CFAP57: variants seen among roughly 807,000 people sequenced by gnomAD.
CFAP57 encodes the protein cilia and flagella associated protein 57.
Under a neutral mutation model 146.8 loss-of-function variants are expected in CFAP57, and 116 were observed. That is an observed-to-expected ratio of 0.79 (90% confidence interval 0.68 to 0.92). The LOEUF (loss-of-function observed/expected upper bound fraction) is 0.92, where lower values mean the gene tolerates loss of function less well. Among genes scored for constraint, CFAP57 ranks in the 40% least tolerant of loss-of-function variants. CFAP57 has a pLI of 0.00. For missense variants in CFAP57, 1,377 were observed against 1,527.2 expected (o/e 0.90, Z 1.64); for synonymous variants, 518 against 552.8 (o/e 0.94, Z 0.88).
chr1:43,253,629 C>T (rs774529502), intron 22 of CFAP57, among the ~76,000 whole-genome samples: 1 of 151,864 alleles, frequency 6.6e-6, no homozygotes, highest in Non-Finnish European at 1.5e-5. Flanking sequence ...GTTCAGAAGC[C>T]AACATAGGTC....
chr1:43,242,832 GT>G (rs1441211424), intron 21 of CFAP57, among the ~76,000 whole-genome samples: 12 of 151,480 alleles, frequency 7.9e-5, no homozygotes, highest in Admixed American at 6.6e-5. Context: ...ATTTATAATT[GT>G]TTTTGTGATT....
intron 11 of CFAP57, among the ~76,000 whole-genome samples, chr1:43,213,829 T>C (rs1370837723): frequency 1.3e-5 from 2 of 152,076 alleles, no homozygotes; most frequent in African/African-American, 4.8e-5. Flanking sequence ...TTTTTTCATA[T>C]ACCTGTTGGC....
At chr1:43,203,369 T>G (rs1228960428) in intron 9 of CFAP57, among the ~76,000 whole-genome samples, 1 of 152,054 alleles carries the variant, frequency 6.6e-6, no homozygotes, top group African/African-American at 2.4e-5. Context: ...TTATGTTCTA[T>G]GAGGCCAAAA....
rs1644015100 is a variant in CFAP57, at chr1:43,199,422, T to C, written c.1461T>C (p.Ala487=). The C allele has an allele frequency of 6.2e-7, 1 of 1,614,066 alleles. No homozygotes were observed. Among genetic ancestry groups the C allele is most frequent in the Non-Finnish European group, 8.5e-7 (1 of 1,180,058 alleles). ...CSFSNGGHLF[A]AVNGNVIHVY... is the part of the protein sequence containing the mutation. ...TTAGCAATGGAGGTCACCTGTTTGC[T>C]GCAGTCAATGGAAATGTGATTCACG... The change falls in exon 9 of 23, where the codon GCT becomes GCC. Residue 487 remains alanine (A), a synonymous_variant. Coordinates refer to ENST00000372492, the MANE Select transcript of CFAP57 (RefSeq NM_001378189.1).
chr1:43,228,932 C>T (rs1010641782), intron 18 of CFAP57, among the ~76,000 whole-genome samples: 1 of 148,902 alleles, frequency 6.7e-6, no homozygotes, highest in Non-Finnish European at 1.5e-5. Context: ...TCCCTCCAGC[C>T]TCTCGTACAA....
rs191408682 is a variant in CFAP57 at position 43,238,990 on chromosome 1, C to T, written c.3406-4237C>T. ...TTGTGGTTACTCTTATTATCGTTAT[C>T]ATCAAGCTCTTCCTGCCTTAGGTTC... On this transcript the variant is annotated intron_variant, in intron 21 of 22. Coordinates refer to ENST00000372492, the MANE Select transcript of CFAP57 (RefSeq NM_001378189.1). This position sits in a 1 kb window ranked among gnomAD's most constrained non-coding sequence, Gnocchi z 4.3. Among the ~76,000 whole-genome samples the T allele has an allele frequency of 1.3e-5, 2 of 152,102 alleles. No homozygotes were observed. Among genetic ancestry groups the T allele is most frequent in the Admixed American group, 1.3e-4 (2 of 15,280 alleles).
intron 22 of CFAP57, among the ~76,000 whole-genome samples, chr1:43,250,842 C>A (rs1475593657): frequency 6.6e-6 from 1 of 152,220 alleles, no homozygotes; most frequent in East Asian, 1.9e-4. Context: ...AGTGTCCATA[C>A]TGAAACAGTC....
chr1:43,203,687 T>C (rs1644232967), intron 9 of CFAP57, among the ~76,000 whole-genome samples: 1 of 152,168 alleles, frequency 6.6e-6, no homozygotes, highest in East Asian at 1.9e-4. Context: ...TCTCGATCTC[T>C]TCACCTCATG....
chr1:43,232,411 T>C, intron 18 of CFAP57, 97 bp from the exon 19 acceptor site: 3 of 963,054 alleles, frequency 3.1e-6, no homozygotes, highest in Non-Finnish European at 4.7e-6. Context: ...TGCCCGGGTG[T>C]CAGGGGTGGC....
chr1:43,173,241 C>T (rs1200954381), intron 2 of CFAP57, among the ~76,000 whole-genome samples: 1 of 152,186 alleles, frequency 6.6e-6, no homozygotes, highest in African/African-American at 2.4e-5. Context: ...TAACAGTTTT[C>T]CTGAGCACAC....
At position 43,198,648 on chromosome 1, in the gene CFAP57, TA is replaced by T. The variant is rs10711519; in HGVS notation, c.1428+12del. ...TACTCTGTTAGAGGATGCGGAGAGG[TA>T]AAAAAAAAACTGCTGAAGACAAAAG... On this transcript the variant is annotated splice_donor_region_variant and intron_variant, in intron 8 of 22. Coordinates refer to ENST00000372492, the MANE Select transcript of CFAP57 (RefSeq NM_001378189.1). 426,839 of 1,519,306 alleles carry T rather than the reference TA, an allele frequency of 0.28. 57,747 individuals carry two copies. Among genetic ancestry groups the T allele is most frequent in the Middle Eastern group, 0.31 (1,809 of 5,758 alleles). 94.1% of individuals were successfully genotyped at this position (1,519,306 alleles called of 1,614,324 possible).
In CFAP57 at chr1:43,172,856, G is replaced by A. The variant is rs1342298403; in HGVS notation, c.103G>A (p.Gly35Arg). Residue 35 changes from glycine to arginine, a missense_variant, in exon 2 of 23, where the codon GGA becomes AGA. Transcript: ENST00000372492. ...TGAACAGATCATTATATTTCCTTCA[G>A]GAAATCACTGTGTGAAGTACAATGT... ...FDEQIIIFPS[G>R]NHCVKYNVDQ... 2.5e-6 allele frequency: 4 copies of A among 1,614,096 alleles called. No individual in the cohort carries two copies. In the South Asian group the frequency reaches 4.4e-5, roughly 18 times the overall value.
intron 14 of CFAP57, among the ~76,000 whole-genome samples, chr1:43,221,779 G>A (rs773119724): frequency 6.6e-6 from 1 of 152,134 alleles, no homozygotes; most frequent in Non-Finnish European, 1.5e-5. Context: ...TAACCTTACC[G>A]AGCCTCACTT....
intron 12 of CFAP57, among the ~76,000 whole-genome samples, chr1:43,217,545 C>T (rs1644880426): frequency 6.6e-6 from 1 of 152,086 alleles, no homozygotes; most frequent in Non-Finnish European, 1.5e-5. Flanking sequence ...AGGTACCGGT[C>T]CTTCTACCTA....
chr1:43,253,526 C>T (rs1005920404), intron 22 of CFAP57, among the ~76,000 whole-genome samples: 1 of 152,142 alleles, frequency 6.6e-6, no homozygotes, highest in African/African-American at 2.4e-5. Flanking sequence ...GGAGAAAGTT[C>T]TCAAGGAACA....
At chr1:43,184,243 C>T (rs1267943298) in intron 4 of CFAP57, among the ~76,000 whole-genome samples, 3 of 152,184 alleles carry the variant, frequency 2.0e-5, no homozygotes, top group Non-Finnish European at 2.9e-5. Flanking sequence ...GCTGGGGACA[C>T]AAGTCCTCAA....
chr1:43,182,260 A>G (rs1297177620), intron 3 of CFAP57, among the ~76,000 whole-genome samples: 1 of 152,224 alleles, frequency 6.6e-6, no homozygotes, highest in African/African-American at 2.4e-5. Flanking sequence ...GTAACATGGT[A>G]GGTCTTTAGG....
chr1:43,225,051 TTTTGTTTGTTTGTTTGTTTGTTTG>T (rs146484094), intron 17 of CFAP57, among the ~76,000 whole-genome samples: 1 of 151,114 alleles, frequency 6.6e-6, no homozygotes, highest in Non-Finnish European at 1.5e-5. Context: ...ATATCCAGGG[TTTTGTTTGTTTGTTTGTTTGTTTG>T]TTTGTTTGTT....
chr1:43,223,024 A>C, intron 16 of CFAP57, 27 bp downstream of exon 16: 1 of 1,526,542 alleles, frequency 6.6e-7, no homozygotes, highest in Non-Finnish European at 8.8e-7. Flanking sequence ...CAAGAGACCT[A>C]GGGTGGGCGA....
Sources: allele counts gnomAD v4.1 joint callset (sites outside exome capture counted in the v4.1 genomes callset), GRCh38; gene constraint gnomAD v4.1.1; non-coding constraint Gnocchi (gnomAD v3.1); transcripts MANE v1.5; gene names NCBI Gene and HGNC (gene_info 2026-07-23, HGNC 2026-07-21).